C20orf204: variants seen among roughly 807,000 people sequenced by gnomAD.
C20orf204 encodes the protein chromosome 20 open reading frame 204, also known as uncharacterized protein C20orf204.
Under a neutral mutation model 3.6 loss-of-function variants are expected in C20orf204, and 6 were observed. That is an observed-to-expected ratio of 1.68 (90% confidence interval 0.92 to 3.31). C20orf204 has a LOEUF of 3.31. Ranked by LOEUF, C20orf204 falls within the 30% of genes most tolerant of loss-of-function variation. The pLI is 0.00. For missense variants in C20orf204, 167 were observed against 89.7 expected (o/e 1.86, Z -3.48); for synonymous variants, 80 against 41.4 (o/e 1.93, Z -3.58).
Position 64,038,837 on chromosome 20 carries a change from A to G in C20orf204, c.*78A>G, listed in dbSNP as rs560746958. On this transcript the variant is annotated 3_prime_UTR_variant, in exon 4 of 4. Coordinates refer to ENST00000636176, the MANE Select transcript of C20orf204 (RefSeq NM_001387010.1). Reference sequence around the variant, plus strand: ...AGCCTGGAGACGCGCCTCGTTCTGTAGACTTGTTGGTGACCTCGGCCCCTC... The same window carrying G: ...AGCCTGGAGACGCGCCTCGTTCTGTGGACTTGTTGGTGACCTCGGCCCCTC... The G allele has an allele frequency of 1.4e-6, 1 of 717,062 alleles. No homozygotes were observed. The highest frequency in any genetic ancestry group is 1.5e-5 in the South Asian group (1 of 68,194). The allele number at this position is 717,062 out of a possible 1,614,324, so 44.4% of individuals were successfully genotyped here.
chr20:64,038,791 G>C lies in C20orf204; in HGVS notation c.*32G>C, dbSNP rs1368001878. ...CCGTCCTGGCCCTGCGCGGGGAGGAGAACCAGCGGGGCCGCGGCAGAGCCT... is the reference window on the plus strand; with the variant it reads ...CCGTCCTGGCCCTGCGCGGGGAGGACAACCAGCGGGGCCGCGGCAGAGCCT... On this transcript the variant is annotated 3_prime_UTR_variant, in exon 4 of 4. Transcript: ENST00000636176. The C allele has an allele frequency of 1.4e-6, 1 of 696,896 alleles. No individual in the cohort carries two copies. Among genetic ancestry groups the C allele is most frequent in the Admixed American group, 2.1e-5 (1 of 48,416 alleles). 43.2% of individuals were successfully genotyped at this position (696,896 alleles called of 1,614,324 possible).
chr20:64,038,329 G>A lies in C20orf204; in HGVS notation c.313G>A (p.Gly105Ser), dbSNP rs757433344. 5.2e-6 allele frequency: 4 copies of A among 764,026 alleles called. No individual in the cohort carries two copies. The highest frequency in any genetic ancestry group is 9.7e-6 in the Non-Finnish European group (4 of 411,394). The allele number at this position is 764,026 out of a possible 1,614,324, so 47.3% of individuals were successfully genotyped here. The change falls in exon 3 of 4, where the codon GGT (glycine) becomes AGT (serine). Residue 105 changes from glycine (G) to serine (S), a missense_variant. Gly to Ser is a moderately conservative substitution (Grantham distance 56). Transcript: ENST00000636176. The part of the protein sequence containing the change: ...HSILLSISSL[G>S]RTLRGAVAGG... ...TATCCTCCTGTCCATCTCGTCCCTG[G>A]GTCGGACCCTGCGCGGGGCGGTGGC...
At chr20:64,034,934 CAG>C (rs976592874), upstream of C20orf204, 1 of 152,322 alleles carries the variant, frequency 6.6e-6, no homozygotes, top group African/African-American at 2.4e-5. Context: ...TCTCTGACCT[CAG>C]AGCTGAAATG....
chr20:64,038,344 G>T lies in C20orf204; in HGVS notation c.328G>T (p.Gly110Trp), dbSNP rs557949001. ...CTCGTCCCTGGGTCGGACCCTGCGC[G>T]GGGCGGTGGCCGGGGGCCGCCGCGG... Reference protein sequence around the residue: ...SISSLGRTLRGAVAGGRRGAL... With the variant: ...SISSLGRTLRWAVAGGRRGAL... The change falls in exon 3 of 4, where the codon GGG becomes TGG. Residue 110 changes from glycine (G) to tryptophan (W), a missense_variant. Coordinates refer to ENST00000636176, the MANE Select transcript of C20orf204 (RefSeq NM_001387010.1). 1 of 764,258 alleles carries T rather than the reference G, an allele frequency of 1.3e-6. No individual in the cohort carries two copies. The highest frequency in any genetic ancestry group is 1.7e-5 in the African/African-American group (1 of 58,096). 47.3% of individuals were successfully genotyped at this position (764,258 alleles called of 1,614,324 possible). A position where few individuals can be genotyped will look rare whatever the true frequency, so the allele number is the denominator to read the frequency against.
In C20orf204 at chr20:64,038,339, T is replaced by A; in HGVS notation, c.323T>A (p.Leu108Gln). The A allele has an allele frequency of 1.4e-6, 1 of 706,984 alleles. No homozygotes were observed. The allele number at this position is 706,984 out of a possible 1,614,324, so 43.8% of individuals were successfully genotyped here. A position where few individuals can be genotyped will look rare whatever the true frequency, so the allele number is the denominator to read the frequency against. ...LLSISSLGRT[L>Q]RGAVAGGRRG... is the part of the protein sequence containing the mutation. ...TCCATCTCGTCCCTGGGTCGGACCCTGCGCGGGGCGGTGGCCGGGGGCCGC... is the reference window on the plus strand; with the variant it reads ...TCCATCTCGTCCCTGGGTCGGACCCAGCGCGGGGCGGTGGCCGGGGGCCGC... Residue 108 changes from leucine to glutamine, a missense_variant, in exon 3 of 4, where the codon CTG (leucine) becomes CAG (glutamine). Leu to Gln is a moderately radical substitution (Grantham distance 113). Coordinates refer to ENST00000636176, the MANE Select transcript of C20orf204 (RefSeq NM_001387010.1).
chr20:64,034,457 C>G (rs938090108), upstream of C20orf204: 7 of 152,286 alleles, frequency 4.6e-5, no homozygotes, highest in Admixed American at 4.6e-4. Context: ...GGCAAGGGAC[C>G]TGCCACCCCT....
chr20:64,035,385 C>T (rs2059334370), upstream of C20orf204: 1 of 152,248 alleles, frequency 6.6e-6, no homozygotes. Flanking sequence ...GGACTCCTGT[C>T]ACCTGTGTGG....
upstream of C20orf204, chr20:64,035,394 G>GGTCT (rs1303707299): frequency 1.3e-5 from 2 of 152,228 alleles, no homozygotes; most frequent in African/African-American, 4.8e-5. Flanking sequence ...TCACCTGTGT[G>GGTCT]GTCTGTTCTT....
At chr20:64,035,067 T>TG (rs2059333160), upstream of C20orf204, 1 of 152,278 alleles carries the variant, frequency 6.6e-6, no homozygotes, top group South Asian at 2.1e-4. Flanking sequence ...CATGTGTGAG[T>TG]GTCTCCTCTT....
In C20orf204 at chr20:64,038,462, A is replaced by C; in HGVS notation, c.432+14A>C. ...ACGCTGCGCCAGGTGTGCGTCCCTGAGTGCACCCAGAGCCAGACCTCCCTT... is the reference window on the plus strand; with the variant it reads ...ACGCTGCGCCAGGTGTGCGTCCCTGCGTGCACCCAGAGCCAGACCTCCCTT... On this transcript the variant is annotated intron_variant, in intron 3 of 3. Coordinates refer to ENST00000636176, the MANE Select transcript of C20orf204 (RefSeq NM_001387010.1). The C allele has an allele frequency of 1.3e-6, 1 of 743,626 alleles. No homozygotes were observed. The highest frequency in any genetic ancestry group is 2.6e-5 in the East Asian group (1 of 38,818). 46.1% of individuals were successfully genotyped at this position (743,626 alleles called of 1,614,324 possible).
upstream of C20orf204, chr20:64,036,077 G>C (rs899230221): frequency 3.3e-5 from 5 of 152,356 alleles, no homozygotes; most frequent in African/African-American, 9.6e-5. Context: ...AGTGGAGAGA[G>C]GGAGGGGGCA....
chr20:64,034,419 G>C (rs1486131796), upstream of C20orf204: 1 of 152,258 alleles, frequency 6.6e-6, no homozygotes, highest in African/African-American at 2.4e-5. Flanking sequence ...CTGTGGTTCT[G>C]GGGACCTTGA....
upstream of C20orf204, chr20:64,036,120 C>T (rs2145408133): frequency 6.6e-6 from 1 of 152,534 alleles, no homozygotes; most frequent in East Asian, 1.9e-4. Flanking sequence ...CCTTCCCTCT[C>T]CTGCTCCCTC....
chr20:64,038,128 A>G lies in C20orf204; in HGVS notation c.205A>G (p.Ile69Val). The G allele has an allele frequency of 1.8e-6, 1 of 554,282 alleles. No homozygotes were observed. The highest frequency in any genetic ancestry group is 3.7e-5 in the Admixed American group (1 of 27,090). The allele number at this position is 554,282 out of a possible 1,614,324, so 34.3% of individuals were successfully genotyped here. Residue 69 changes from isoleucine (I) to valine (V), a missense_variant, in exon 2 of 4, where the codon ATA (isoleucine) becomes GTA (valine). Transcript: ENST00000636176. ...GCCAGGCTCCAGACACTTTCATTTC[A>G]TACAGAAAAACCTGACTAGACCCGG... Reference protein sequence around the residue: ...TRPGSRHFHFIQKNLTRPGSS... With the variant: ...TRPGSRHFHFVQKNLTRPGSS...
At position 64,038,437 on chromosome 20, in the gene C20orf204, A is replaced by G. The variant is rs751620504; in HGVS notation, c.421A>G (p.Thr141Ala). 28 of 764,404 alleles carry G rather than the reference A, an allele frequency of 3.7e-5. No individual in the cohort carries two copies. In the Admixed American group the frequency reaches 4.8e-4, roughly 13 times the overall value. The allele number at this position is 764,404 out of a possible 1,614,324, so 47.4% of individuals were successfully genotyped here. The change falls in exon 3 of 4, where the codon ACG becomes GCG. Residue 141 changes from threonine (T) to alanine (A), a missense_variant. Coordinates refer to ENST00000636176, the MANE Select transcript of C20orf204 (RefSeq NM_001387010.1). Reference protein sequence around the residue: ...TEAVMRRHCRTLRQRSRRPKM... With the variant: ...TEAVMRRHCRALRQRSRRPKM... ...GGCGGTGATGCGGCGCCACTGCAGG[A>G]CGCTGCGCCAGGTGTGCGTCCCTGA...
At position 64,038,782 on chromosome 20, in the gene C20orf204, C is replaced by T. The variant is rs778206065; in HGVS notation, c.*23C>T. The T allele has an allele frequency of 8.6e-6, 6 of 696,986 alleles. No individual in the cohort carries two copies. Among genetic ancestry groups the T allele is most frequent in the Non-Finnish European group, 1.6e-5 (6 of 376,674 alleles). 43.2% of individuals were successfully genotyped at this position (696,986 alleles called of 1,614,324 possible). A position where few individuals can be genotyped will look rare whatever the true frequency, so the allele number is the denominator to read the frequency against. ...TAGCGCGGCCCGTCCTGGCCCTGCG[C>T]GGGGAGGAGAACCAGCGGGGCCGCG... On this transcript the variant is annotated 3_prime_UTR_variant, in exon 4 of 4. Transcript: ENST00000636176.
rs2059337284 is a variant in C20orf204, at chr20:64,036,230, C to T, written c.-94C>T. Reference sequence around the variant, plus strand: ...AGGGAAGCGGTTGGCTGGTGTTGGACCTGGTGCGGCAGTGCACACCCTGCC... The same window carrying T: ...AGGGAAGCGGTTGGCTGGTGTTGGATCTGGTGCGGCAGTGCACACCCTGCC... On this transcript the variant is annotated 5_prime_UTR_variant, in exon 1 of 4. Transcript: ENST00000636176. 6.6e-6 allele frequency: 1 copy of T among 152,632 alleles called. No individual in the cohort carries two copies. Among genetic ancestry groups the T allele is most frequent in the Non-Finnish European group, 1.5e-5 (1 of 68,158 alleles). The allele number at this position is 152,632 out of a possible 1,614,324, so 9.5% of individuals were successfully genotyped here.
chr20:64,034,857 C>G (rs894261812), upstream of C20orf204: 1 of 151,886 alleles, frequency 6.6e-6, no homozygotes, highest in Non-Finnish European at 1.5e-5. Context: ...AAACCGAGGC[C>G]CAGGAAGTTT....
Position 64,038,074 on chromosome 20 carries a change from T to G in C20orf204, c.151T>G (p.Trp51Gly). Residue 51 changes from tryptophan to glycine, a missense_variant, in exon 2 of 4, where the codon TGG (tryptophan) becomes GGG (glycine). Physicochemically the swap from Trp to Gly is radical, Grantham distance 184. Transcript: ENST00000636176. ...CGAGGATCTGCAGGCCGCCGTGAAG[T>G]GGGGCGGGGCGGGGGCCGAAAAGAC... The part of the protein sequence containing the change: ...IFEDLQAAVK[W>G]GGAGAEKTRP... 1 of 514,078 alleles carries G rather than the reference T, an allele frequency of 1.9e-6. No homozygotes were observed. 31.8% of individuals were successfully genotyped at this position (514,078 alleles called of 1,614,324 possible).
Sources: allele counts gnomAD v4.1 joint callset, GRCh38; gene constraint gnomAD v4.1.1; transcripts MANE v1.5; gene names NCBI Gene and HGNC (gene_info 2026-07-23, HGNC 2026-07-21).